The following CBFB variants were observed in gnomAD, a reference collection of about 807,000 sequenced individuals.
CBFB encodes core-binding factor subunit beta.
Under a neutral mutation model 30.4 loss-of-function variants are expected in CBFB, and 9 were observed. The ratio of observed to expected loss-of-function variants is 0.30; its 90% CI spans 0.18 to 0.52. The LOEUF (loss-of-function observed/expected upper bound fraction) is 0.52, where lower values mean the gene tolerates loss of function less well. Among genes scored for constraint, CBFB ranks in the 20% least tolerant of loss-of-function variants. The probability of loss-of-function intolerance (pLI) is 0.97; values close to 1 mark genes in which losing one functional copy is unlikely to be tolerated. For synonymous variants in CBFB, 94 were observed against 84.0 expected, an observed-to-expected ratio of 1.12 and a Z score of -0.65; for missense variants, 170 against 244.0, an observed-to-expected ratio of 0.70 and a Z score of 2.02.
Position 67,098,968 on chromosome 16 carries a change from A to G in CBFB, c.*190A>G, listed in dbSNP as rs1597168040. The G allele has an allele frequency of 2.2e-6, 1 of 447,436 alleles. No individual in the cohort carries two copies. Among genetic ancestry groups the G allele is most frequent in the East Asian group, 3.4e-5 (1 of 29,280 alleles). 27.7% of individuals were successfully genotyped at this position (447,436 alleles called of 1,614,324 possible). ...TATGATTATAATACCTGCATTTCTAATTTTTTAAGCATGTAGCCAGTAATA... is the reference window on the plus strand; with the variant it reads ...TATGATTATAATACCTGCATTTCTAGTTTTTTAAGCATGTAGCCAGTAATA... On this transcript the variant is annotated 3_prime_UTR_variant, in exon 6 of 6. Transcript: ENST00000412916.
chr16:67,053,417 G>C (rs1960620035), intron 3 of CBFB, among the ~76,000 whole-genome samples: 1 of 151,492 alleles, frequency 6.6e-6, no homozygotes, highest in Admixed American at 6.6e-5. Context: ...CACCACACCT[G>C]GCTAATTTTT....
chr16:67,084,165 CAAAAAAAAAAAA>C (rs368748767), intron 5 of CBFB, among the ~76,000 whole-genome samples: 3 of 54,330 alleles, frequency 5.5e-5, no homozygotes, highest in African/African-American at 2.2e-4. Flanking sequence ...GACCCTACCT[CAAAAAAAAAAAA>C]AAAAAAAAAA....
chr16:67,045,441 C>T (rs577589737), intron 3 of CBFB, among the ~76,000 whole-genome samples: 5 of 151,826 alleles, frequency 3.3e-5, no homozygotes, highest in East Asian at 3.9e-4. Context: ...TGCTTGAACC[C>T]GGGAGGCGGA....
At chr16:67,029,697 C>T (rs1966298739) in intron 1 of CBFB, 30 bp from the exon 2 acceptor site, 14 of 1,561,268 alleles carry the variant, frequency 9.0e-6, no homozygotes, top group Non-Finnish European at 1.1e-5. Context: ...GCGGATTTGG[C>T]TCCTGATTTC....
intron 5 of CBFB, among the ~76,000 whole-genome samples, chr16:67,097,748 A>G (rs1041421365): frequency 1.3e-5 from 2 of 152,094 alleles, no homozygotes; most frequent in African/African-American, 4.8e-5. Context: ...CTTATGTCAT[A>G]GGTTGTTGGG....
At chr16:67,091,445 G>T (rs1961876498) in intron 5 of CBFB, among the ~76,000 whole-genome samples, 1 of 152,170 alleles carries the variant, frequency 6.6e-6, no homozygotes, top group Non-Finnish European at 1.5e-5. Context: ...ATCTTTAAAT[G>T]CTCTTGTAAG....
intron 5 of CBFB, among the ~76,000 whole-genome samples, chr16:67,091,143 T>C (rs1961868328): frequency 6.6e-6 from 1 of 152,156 alleles, no homozygotes; most frequent in Admixed American, 6.6e-5. Flanking sequence ...AGAAGATTAA[T>C]GAAGGAGGAA....
chr16:67,037,514 A>G (rs1966461332), intron 3 of CBFB, among the ~76,000 whole-genome samples: 1 of 152,172 alleles, frequency 6.6e-6, no homozygotes, highest in South Asian at 2.1e-4. Flanking sequence ...TAACTTGGAA[A>G]TACTTTTTTT....
chr16:67,100,835 T>TC lies in CBFB; in HGVS notation c.*2059dup. The TC allele has an allele frequency of 4.8e-6, 1 of 209,884 alleles. No homozygotes were observed. The highest frequency in any genetic ancestry group is 9.7e-6 in the Non-Finnish European group (1 of 102,992). The allele number at this position is 209,884 out of a possible 1,614,324, so 13.0% of individuals were successfully genotyped here. A position where few individuals can be genotyped will look rare whatever the true frequency, so the allele number is the denominator to read the frequency against. ...GCATTAAGATCATGAGCCCTTTTTC[T>TC]CCAGTAGTACAGGCTTTGAAAACTA... On this transcript the variant is annotated 3_prime_UTR_variant, in exon 6 of 6. Transcript: ENST00000412916.
rs1302673861 is a variant in CBFB at position 67,029,824 on chromosome 16, T to G, written c.165+11T>G. 2 of 1,576,330 alleles carry G rather than the reference T, an allele frequency of 1.3e-6. No individual in the cohort carries two copies. Among genetic ancestry groups the G allele is most frequent in the Non-Finnish European group, 1.7e-6 (2 of 1,163,068 alleles). On this transcript the variant is annotated intron_variant, in intron 2 of 5. Transcript: ENST00000412916. ...GGCCGCTCGGAAATCGTAAGTCGGC[T>G]GGCCCGGGGCGCGCGCGGGTCACTT...
intron 3 of CBFB, among the ~76,000 whole-genome samples, chr16:67,044,977 G>A (rs1008507009): frequency 2.0e-5 from 3 of 152,128 alleles, no homozygotes; most frequent in Non-Finnish European, 4.4e-5. Flanking sequence ...TGAATTGACA[G>A]CACTTAGTTA....
At chr16:67,031,292 T>C (rs145009302) in intron 2 of CBFB, among the ~76,000 whole-genome samples, 1 of 152,276 alleles carries the variant, frequency 6.6e-6, no homozygotes, top group Non-Finnish European at 1.5e-5. Context: ...ATTTCTTGAG[T>C]AATTGTAGTA....
At chr16:67,040,622 C>T (rs557472068) in intron 3 of CBFB, among the ~76,000 whole-genome samples, 6 of 152,162 alleles carry the variant, frequency 3.9e-5, no homozygotes, top group Non-Finnish European at 2.9e-5. Context: ...ACACCTGTTA[C>T]GTGTACTGAG....
chr16:67,029,899 T>A (rs1966304667), intron 2 of CBFB, 86 bp downstream of exon 2: 1 of 851,380 alleles, frequency 1.2e-6, no homozygotes, highest in East Asian at 3.4e-5. Flanking sequence ...GCGGCGCGGC[T>A]GCTGCGGCTC....
At chr16:67,051,433 TATATATATCCAAA>T (rs775828752) in intron 3 of CBFB, among the ~76,000 whole-genome samples, 28 of 152,118 alleles carry the variant, frequency 1.8e-4, no homozygotes, top group Admixed American at 5.9e-4. Context: ...CAAATATATG[TATATATATCCAAA>T]ATATATATCC....
intron 4 of CBFB, among the ~76,000 whole-genome samples, chr16:67,075,314 A>G (rs1210595685): frequency 1.3e-5 from 2 of 152,158 alleles, no homozygotes; most frequent in Non-Finnish European, 2.9e-5. Flanking sequence ...GGCGAAAGAC[A>G]TTTAACAGGC....
intron 4 of CBFB, among the ~76,000 whole-genome samples, chr16:67,077,804 AAG>A (rs1487475708): frequency 6.6e-6 from 1 of 152,246 alleles, no homozygotes; most frequent in Non-Finnish European, 1.5e-5. Context: ...AAATACAGTG[AAG>A]AGAGAATTAC....
At chr16:67,081,077 C>G (rs1314606618) in intron 4 of CBFB, among the ~76,000 whole-genome samples, 1 of 151,634 alleles carries the variant, frequency 6.6e-6, no homozygotes, top group Non-Finnish European at 1.5e-5. Context: ...GCTGCAGCCA[C>G]TAACTCGTCA....
intron 2 of CBFB, among the ~76,000 whole-genome samples, chr16:67,035,968 C>G (rs368403947): frequency 2.7e-4 from 41 of 152,138 alleles, no homozygotes; most frequent in African/African-American, 9.2e-4. Context: ...CTCTAACATC[C>G]AAATCTTTTA....
Sources: gnomAD v4.1 joint callset for allele counts (sites outside exome capture counted in the v4.1 genomes callset) on GRCh38, gnomAD v4.1.1 for gene constraint, MANE v1.5 for transcripts, NCBI Gene and HGNC (gene_info 2026-07-23, HGNC 2026-07-21) for gene names.